PLD5: variants seen among roughly 807,000 people sequenced by gnomAD.
PLD5 encodes phospholipase D family member 5.
In PLD5, 36 loss-of-function variants were observed where a neutral mutation model predicts 61.1. That is an observed-to-expected ratio of 0.59 (90% CI 0.45 to 0.78). The LOEUF (loss-of-function observed/expected upper bound fraction) is 0.78, where lower values mean the gene tolerates loss of function less well. Among genes scored for constraint, PLD5 ranks in the 30% least tolerant of loss-of-function variants. The pLI is 0.00. For missense variants in PLD5, 515 were observed against 644.4 expected (o/e 0.80, Z 2.17); for synonymous variants, 243 against 242.8 (o/e 1.00, Z -0.01).
intron 5 of PLD5, among the ~76,000 whole-genome samples, chr1:242,208,836 G>C (rs1669613308): frequency 6.6e-6 from 1 of 152,120 alleles, no homozygotes; most frequent in Non-Finnish European, 1.5e-5. Context: ...TCACAATAAA[G>C]ACAGACCAAG....
chr1:242,164,312 T>C (rs532110369), intron 5 of PLD5, among the ~76,000 whole-genome samples: 15 of 152,086 alleles, frequency 9.9e-5, no homozygotes, highest in Non-Finnish European at 2.1e-4. Context: ...TAAAACTAAT[T>C]TTGTATGTGA....
chr1:242,260,873 T>C (rs938453879), intron 4 of PLD5, among the ~76,000 whole-genome samples: 12 of 152,204 alleles, frequency 7.9e-5, no homozygotes, highest in African/African-American at 2.7e-4. Flanking sequence ...ATTTATGTCA[T>C]ATTAAAAATA....
intron 5 of PLD5, among the ~76,000 whole-genome samples, chr1:242,144,145 A>G (rs2148798355): frequency 6.6e-6 from 1 of 152,262 alleles, no homozygotes; most frequent in African/African-American, 2.4e-5. Context: ...TTGGGATTAC[A>G]GGTATGAGCC....
chr1:242,139,342 T>A (rs1189595207), intron 5 of PLD5, among the ~76,000 whole-genome samples: 1 of 152,178 alleles, frequency 6.6e-6, no homozygotes, highest in African/African-American at 2.4e-5. Context: ...TTGTTCCAAT[T>A]CAGAAAATAA....
chr1:242,528,121 A>T (rs1383656083), upstream of PLD5, among the ~76,000 whole-genome samples: 1 of 152,234 alleles, frequency 6.6e-6, no homozygotes, highest in Admixed American at 6.5e-5. Flanking sequence ...TGGATTTGAC[A>T]TTACAATATT....
At chr1:242,194,472 A>G (rs1168409471) in intron 5 of PLD5, among the ~76,000 whole-genome samples, 1 of 152,166 alleles carries the variant, frequency 6.6e-6, no homozygotes, top group African/African-American at 2.4e-5. Context: ...TCACACATAC[A>G]TGTTTACAGC....
At chr1:242,331,729 A>G (rs1659184878) in intron 2 of PLD5, among the ~76,000 whole-genome samples, 1 of 152,226 alleles carries the variant, frequency 6.6e-6, no homozygotes, top group Non-Finnish European at 1.5e-5. Flanking sequence ...TTCAACTTTC[A>G]TTAATCTCGG....
intron 2 of PLD5, among the ~76,000 whole-genome samples, chr1:242,341,918 G>A (rs1486845122): frequency 6.7e-6 from 1 of 149,868 alleles, no homozygotes; most frequent in Non-Finnish European, 1.5e-5. Flanking sequence ...GCCTAGACCG[G>A]TAGCCACCCA....
intron 5 of PLD5, among the ~76,000 whole-genome samples, chr1:242,197,703 C>G (rs1024644753): frequency 2.0e-5 from 3 of 151,226 alleles, no homozygotes; most frequent in African/African-American, 7.3e-5. Flanking sequence ...GATGCGATCT[C>G]AGCTCACTGC....
rs1019013519 is a variant in PLD5 at position 242,084,059 on chromosome 1, A to G, written c.*5795T>C. On this transcript the variant is annotated 3_prime_UTR_variant, in exon 10 of 10. Coordinates refer to ENST00000536534, the MANE Select transcript of PLD5 (RefSeq NM_001372062.1). ...AGAGCCAGATATCCACTTCATAAAA[A>G]GAGATCTTTTCTCCTTACTAATTTA... The G allele has an allele frequency of 6.6e-6, 1 of 152,230 alleles. No homozygotes were observed. The highest frequency in any genetic ancestry group is 6.5e-5 in the Admixed American group (1 of 15,288). The allele number at this position is 152,230 out of a possible 1,614,324, so 9.4% of individuals were successfully genotyped here.
At chr1:242,213,126 C>T (rs2148989218) in intron 5 of PLD5, among the ~76,000 whole-genome samples, 1 of 152,298 alleles carries the variant, frequency 6.6e-6, no homozygotes, top group South Asian at 2.1e-4. Flanking sequence ...GTGGTGATTC[C>T]TCACAATTGG....
chr1:242,447,255 C>A (rs1380877300), intron 1 of PLD5, among the ~76,000 whole-genome samples: 1 of 152,218 alleles, frequency 6.6e-6, no homozygotes, highest in African/African-American at 2.4e-5. Context: ...CCAAGCTGGG[C>A]TGGCTTATTT....
chr1:242,375,866 T>G (rs1363957289), intron 1 of PLD5, among the ~76,000 whole-genome samples: 4 of 152,130 alleles, frequency 2.6e-5, no homozygotes, highest in Non-Finnish European at 1.5e-5. Flanking sequence ...CATTGATAAG[T>G]CGGTGGTTGA....
At chr1:242,144,332 G>T (rs1202306387) in intron 5 of PLD5, among the ~76,000 whole-genome samples, 1 of 152,034 alleles carries the variant, frequency 6.6e-6, no homozygotes, top group Non-Finnish European at 1.5e-5. Context: ...TCAGCTTGGG[G>T]TATTAAGTGA....
At chr1:242,332,553 C>T (rs1455639023) in intron 2 of PLD5, among the ~76,000 whole-genome samples, 2 of 152,148 alleles carry the variant, frequency 1.3e-5, no homozygotes, top group Non-Finnish European at 2.9e-5. Context: ...CTGTTGTTTT[C>T]CTGACTTTTT....
intron 2 of PLD5, among the ~76,000 whole-genome samples, chr1:242,328,387 G>A (rs571913055): frequency 2.6e-5 from 4 of 152,126 alleles, no homozygotes; most frequent in South Asian, 4.1e-4. Context: ...GTGTTCACAC[G>A]TGTTCTACAT....
intron 2 of PLD5, among the ~76,000 whole-genome samples, chr1:242,301,825 T>C (rs1479187415): frequency 2.7e-5 from 4 of 150,818 alleles, no homozygotes; most frequent in African/African-American, 9.7e-5. Flanking sequence ...CCACCCAGGC[T>C]GGAGTGCAAT....
intron 1 of PLD5, among the ~76,000 whole-genome samples, chr1:242,448,067 T>C (rs954016664): frequency 1.1e-4 from 17 of 152,190 alleles, no homozygotes; most frequent in Non-Finnish European, 4.4e-5. Context: ...TTACCCATCC[T>C]GACTAAGGAG....
intron 1 of PLD5, among the ~76,000 whole-genome samples, chr1:242,371,024 G>T (rs868241402): frequency 1.3e-5 from 2 of 152,096 alleles, no homozygotes; most frequent in Non-Finnish European, 2.9e-5. Flanking sequence ...CACTGCAAAG[G>T]TTGGTATTTC....
Sources: allele counts gnomAD v4.1 joint callset (sites outside exome capture counted in the v4.1 genomes callset), GRCh38; gene constraint gnomAD v4.1.1; transcripts MANE v1.5; gene names NCBI Gene and HGNC (gene_info 2026-07-23, HGNC 2026-07-21).